ANP32E: variants seen among roughly 807,000 people sequenced by gnomAD.
The protein encoded by ANP32E is acidic nuclear phosphoprotein 32 family member E, also known as acidic leucine-rich nuclear phosphoprotein 32 family member E.
ANP32E carries 14 observed loss-of-function variants against 35.3 expected under a neutral mutation model. That is an observed-to-expected ratio of 0.40 (90% confidence interval 0.26 to 0.62). The LOEUF (loss-of-function observed/expected upper bound fraction) is 0.62, where lower values mean the gene tolerates loss of function less well. Among genes scored for constraint, ANP32E ranks in the 20% least tolerant of loss-of-function variants. The pLI is 0.45. For synonymous variants in ANP32E, 89 were observed against 110.4 expected (o/e 0.81, Z 1.22); for missense variants, 198 against 304.4 (o/e 0.65, Z 2.60).
intron 3 of ANP32E, among the ~76,000 whole-genome samples, 189 bp downstream of exon 3, chr1:150,230,382 A>G (rs1023660032): frequency 6.6e-6 from 1 of 152,220 alleles, no homozygotes; most frequent in Non-Finnish European, 1.5e-5. Context: ...TGATAAAATA[A>G]ATTTCTCATT....
Position 150,219,162 on chromosome 1 carries a change from A to G in ANP32E, c.*1529T>C, listed in dbSNP as rs1553836757. On this transcript the variant is annotated 3_prime_UTR_variant, in exon 7 of 7. Coordinates refer to ENST00000583931, the MANE Select transcript of ANP32E (RefSeq NM_030920.5). ...TTTAAATATGTCCCAGTATAGAAGCATAACTTCAATTAATTTGCTGACACT... is the reference window on the plus strand; with the variant it reads ...TTTAAATATGTCCCAGTATAGAAGCGTAACTTCAATTAATTTGCTGACACT... The G allele has an allele frequency of 1.3e-5, 2 of 152,232 alleles. No individual in the cohort carries two copies. The highest frequency in any genetic ancestry group is 4.8e-5 in the African/African-American group (2 of 41,460). The allele number at this position is 152,232 out of a possible 1,614,324, so 9.4% of individuals were successfully genotyped here.
intron 1 of ANP32E, among the ~76,000 whole-genome samples, chr1:150,234,366 C>G (rs1649602475): frequency 6.6e-6 from 1 of 150,988 alleles, no homozygotes; most frequent in Non-Finnish European, 1.5e-5. Flanking sequence ...CCGGGATGAC[C>G]CTGATAGCAA....
At chr1:150,225,509 A>T (rs1553839552) in intron 5 of ANP32E, among the ~76,000 whole-genome samples, 1 of 151,812 alleles carries the variant, frequency 6.6e-6, no homozygotes, top group Non-Finnish European at 1.5e-5. Context: ...GTCTCTACAA[A>T]AAAATACAAA....
intron 3 of ANP32E, among the ~76,000 whole-genome samples, chr1:150,230,269 TA>T (rs1231990414): frequency 6.7e-6 from 1 of 150,060 alleles, no homozygotes; most frequent in Non-Finnish European, 1.5e-5. Context: ...GGACAAATAA[TA>T]AAAAACTCAA....
At chr1:150,231,475 G>T (rs919151680) in intron 2 of ANP32E, among the ~76,000 whole-genome samples, 1 of 152,044 alleles carries the variant, frequency 6.6e-6, no homozygotes, top group African/African-American at 2.4e-5. Context: ...CATGCCTGTA[G>T]TCTCAGCTAC....
intron 1 of ANP32E, among the ~76,000 whole-genome samples, chr1:150,234,155 A>G (rs1553842611): frequency 2.0e-5 from 3 of 151,206 alleles, no homozygotes; most frequent in Non-Finnish European, 4.4e-5. Context: ...ACACCCCAAA[A>G]CTGGCAAAGA....
At chr1:150,222,332 T>C (rs1553838359) in intron 6 of ANP32E, among the ~76,000 whole-genome samples, 2 of 151,186 alleles carry the variant, frequency 1.3e-5, no homozygotes, top group East Asian at 3.9e-4. Flanking sequence ...GGCAGGAGAA[T>C]GGCGTGAACC....
In ANP32E at chr1:150,229,098, G is replaced by C; in HGVS notation, c.467C>G (p.Pro156Arg). The C allele has an allele frequency of 6.2e-7, 1 of 1,612,958 alleles. No homozygotes were observed. The highest frequency in any genetic ancestry group is 1.7e-5 in the Admixed American group (1 of 59,772). ...DGFDQEDNEA[P>R]DSEEEDDEDG... ...CTCATCATCCTCCTCTTCAGAGTCCGGCGCTTCATTATCCTCCTGATCAAA... is the reference window on the plus strand; with the variant it reads ...CTCATCATCCTCCTCTTCAGAGTCCCGCGCTTCATTATCCTCCTGATCAAA... Residue 156 changes from proline (P) to arginine (R), a missense_variant, in exon 4 of 7, where the codon CCG becomes CGG. Physicochemically the swap from Pro to Arg is moderately radical, Grantham distance 103 (BLOSUM62 -2). Around this residue, in one of 4 missense-constraint regions of ANP32E, gnomAD observed 121 missense variants for 137.3 expected, o/e 0.88. Coordinates refer to ENST00000583931, the MANE Select transcript of ANP32E (RefSeq NM_030920.5).
chr1:150,220,733 C>T lies in ANP32E; in HGVS notation c.765G>A (p.Arg255=), dbSNP rs2101752475. ...EEEGGLRGEK[R]KRDAEDDGEE... ...CTCCATCGTCTTCAGCATCTCGTTT[C>T]CTCTTCTCCCCTCGAAGACCTCCTT... is the stretch of plus-strand genomic sequence containing the variant. The change falls in exon 7 of 7, where the codon AGG becomes AGA. Residue 255 remains arginine (R), a synonymous_variant. Transcript: ENST00000583931. 1 of 1,614,006 alleles carries T rather than the reference C, an allele frequency of 6.2e-7. No individual in the cohort carries two copies. Among genetic ancestry groups the T allele is most frequent in the East Asian group, 2.2e-5 (1 of 44,868 alleles).
At chr1:150,223,590 A>G (rs1207795500) in intron 5 of ANP32E, among the ~76,000 whole-genome samples, 5 of 148,396 alleles carry the variant, frequency 3.4e-5, no homozygotes, top group Admixed American at 2.0e-4. Context: ...CTGACGCAGG[A>G]GAATCGCAAG....
intron 4 of ANP32E, 51 bp from the exon 5 acceptor site, chr1:150,226,846 C>T (rs782240580): frequency 4.5e-6 from 7 of 1,549,448 alleles, no homozygotes; most frequent in South Asian, 2.5e-5. Context: ...ATGTTTCTTC[C>T]TAGGATGTTG....
At chr1:150,226,561 T>C (rs1648889702) in intron 5 of ANP32E, 47 bp downstream of exon 5, 2 of 1,602,430 alleles carry the variant, frequency 1.2e-6, no homozygotes, top group Non-Finnish European at 1.7e-6. Context: ...TACTTACTCC[T>C]ATGCCTAGAA....
At chr1:150,231,068 A>G (rs1238988384) in intron 2 of ANP32E, among the ~76,000 whole-genome samples, 2 of 152,170 alleles carry the variant, frequency 1.3e-5, no homozygotes, top group African/African-American at 2.4e-5. Flanking sequence ...AAGTATATCA[A>G]TTTGAAGAAA....
At chr1:150,226,499 A>C in intron 5 of ANP32E, 109 bp downstream of exon 5, 4 of 1,341,120 alleles carry the variant, frequency 3.0e-6, no homozygotes, top group Non-Finnish European at 4.1e-6. Context: ...ACATATGCAC[A>C]CCCACAACTT....
chr1:150,229,678 A>C (rs781926232), intron 3 of ANP32E, among the ~76,000 whole-genome samples: 34 of 152,340 alleles, frequency 2.2e-4, no homozygotes, highest in Middle Eastern at 3.4e-3. Flanking sequence ...GGGTTTCTCC[A>C]CATTGGTCAG....
chr1:150,232,632 G>A (rs1242624641), intron 1 of ANP32E, among the ~76,000 whole-genome samples: 6 of 151,504 alleles, frequency 4.0e-5, no homozygotes, highest in Admixed American at 6.6e-5. Context: ...CACCACTCCC[G>A]GCTAATTTTT....
chr1:150,236,089 C>A lies in ANP32E; in HGVS notation c.-303G>T. 3.2e-6 allele frequency: 1 copy of A among 316,980 alleles called. No homozygotes were observed. Among genetic ancestry groups the A allele is most frequent in the Non-Finnish European group, 5.9e-6 (1 of 168,782 alleles). 19.6% of individuals were successfully genotyped at this position (316,980 alleles called of 1,614,324 possible). A position where few individuals can be genotyped will look rare whatever the true frequency, so the allele number is the denominator to read the frequency against. ...ACACACACACACCCGCAGTTCCTTC[C>A]CCTTCAATGGCTGCTCAGAGACTGA... is the stretch of plus-strand genomic sequence containing the variant. On this transcript the variant is annotated 5_prime_UTR_variant, in exon 1 of 7. Coordinates refer to ENST00000583931, the MANE Select transcript of ANP32E (RefSeq NM_030920.5).
intron 4 of ANP32E, 125 bp from the exon 5 acceptor site, chr1:150,226,920 G>A (rs1185897938): frequency 7.8e-7 from 1 of 1,276,822 alleles, no homozygotes; most frequent in Non-Finnish European, 1.0e-6. Context: ...GTAACTCACA[G>A]CGATACTTTT....
intron 5 of ANP32E, among the ~76,000 whole-genome samples, chr1:150,223,894 C>T (rs1215949604): frequency 6.6e-6 from 1 of 151,624 alleles, no homozygotes; most frequent in Non-Finnish European, 1.5e-5. Flanking sequence ...TACAGGCATG[C>T]GCCACCACGC....
Sources: gnomAD v4.1 joint callset for allele counts (sites outside exome capture counted in the v4.1 genomes callset) on GRCh38, gnomAD v4.1.1 for gene constraint, gnomAD v4.1.1 regional missense constraint, MANE v1.5 for transcripts, NCBI Gene and HGNC (gene_info 2026-07-23, HGNC 2026-07-21) for gene names.